Variants in DYNLL1 observed in about 807,000 individuals in gnomAD.
The protein encoded by DYNLL1 is dynein light chain LC8-type 1.
A neutral mutation model predicts 10.1 loss-of-function variants in DYNLL1; 3 were observed. The observed-to-expected ratio is 0.30, with a 90% confidence interval of 0.14 to 0.77. The LOEUF is 0.77. Ranked by LOEUF, DYNLL1 falls within the 30% of genes least tolerant of loss-of-function variation. The pLI is 0.66. For missense variants in DYNLL1, 47 were observed against 111.7 expected, an observed-to-expected ratio of 0.42 and a Z score of 2.61; for synonymous variants, 46 against 41.2, an observed-to-expected ratio of 1.12 and a Z score of -0.45.
At chr12:120,476,929 T>A (rs1226832982) in intron 1 of DYNLL1, among the ~76,000 whole-genome samples, 5 of 147,424 alleles carry the variant, frequency 3.4e-5, no homozygotes, top group Non-Finnish European at 4.5e-5. Context: ...TTTGTTTTGT[T>A]TTTTTTGTTT....
At chr12:120,496,633 T>A (rs1173430499) in intron 2 of DYNLL1, 80 bp downstream of exon 2, 1 of 1,611,256 alleles carries the variant, frequency 6.2e-7, no homozygotes, top group Non-Finnish European at 8.5e-7. Context: ...TAAGGGCGCC[T>A]GACAGGTCCC....
chr12:120,480,309 G>A (rs967174895), intron 1 of DYNLL1, among the ~76,000 whole-genome samples: 1 of 152,204 alleles, frequency 6.6e-6, no homozygotes, highest in Non-Finnish European at 1.5e-5. Flanking sequence ...ACATTCATAT[G>A]TGTGGATATG....
intron 1 of DYNLL1, among the ~76,000 whole-genome samples, chr12:120,479,462 A>ATAATAATAAT (rs1555221132): frequency 1.5e-5 from 2 of 133,174 alleles, no homozygotes; most frequent in African/African-American, 5.6e-5. Context: ...AAAAAAAAAA[A>ATAATAATAAT]AAAAAAAATA....
chr12:120,478,286 T>C (rs1019510077), intron 1 of DYNLL1, among the ~76,000 whole-genome samples: 3 of 151,548 alleles, frequency 2.0e-5, no homozygotes, highest in South Asian at 4.2e-4. Context: ...TTTGTATTTT[T>C]AGTAGAGACG....
chr12:120,492,477 G>T (rs1879156418), upstream of DYNLL1, among the ~76,000 whole-genome samples: 2 of 152,202 alleles, frequency 1.3e-5, no homozygotes, highest in Non-Finnish European at 2.9e-5. The surrounding 1 kb of genome is among the most constrained non-coding windows in gnomAD (Gnocchi z 4.1). Context: ...TGAGGCAGGA[G>T]AATCGCTTGA....
chr12:120,488,996 G>A (rs1249624799), intron 1 of DYNLL1, among the ~76,000 whole-genome samples: 4 of 152,192 alleles, frequency 2.6e-5, no homozygotes, highest in African/African-American at 9.7e-5. Flanking sequence ...CATGGCCAAA[G>A]CACTTAGGCA....
At chr12:120,473,088 AG>A (rs1434224583) in intron 1 of DYNLL1, among the ~76,000 whole-genome samples, 1 of 152,182 alleles carries the variant, frequency 6.6e-6, no homozygotes, top group African/African-American at 2.4e-5. Flanking sequence ...TTGTGTATAT[AG>A]GTTGCTATTC....
intron 1 of DYNLL1, among the ~76,000 whole-genome samples, chr12:120,485,747 A>C (rs953489867): frequency 1.3e-5 from 2 of 149,588 alleles, no homozygotes; most frequent in Non-Finnish European, 3.0e-5. Context: ...AGGGAGGGGC[A>C]GTCGGATCCC....
At chr12:120,474,946 C>T (rs1878723559) in intron 1 of DYNLL1, among the ~76,000 whole-genome samples, 1 of 152,046 alleles carries the variant, frequency 6.6e-6, no homozygotes, top group African/African-American at 2.4e-5. Flanking sequence ...TTCTGGAAAG[C>T]TACATAATAA....
At chr12:120,480,598 G>C (rs1357859077) in intron 1 of DYNLL1, among the ~76,000 whole-genome samples, 2 of 152,090 alleles carry the variant, frequency 1.3e-5, no homozygotes. Flanking sequence ...CTCTACCTCT[G>C]CCTCCCGAGT....
intron 1 of DYNLL1, among the ~76,000 whole-genome samples, chr12:120,472,401 G>T (rs1228115397): frequency 3.3e-5 from 5 of 152,194 alleles, no homozygotes; most frequent in African/African-American, 1.2e-4. Flanking sequence ...CTGTTCTCTA[G>T]ACAAGCAGGA....
chr12:120,491,750 A>G (rs1341903869), upstream of DYNLL1: 1 of 152,186 alleles, frequency 6.6e-6, no homozygotes, highest in African/African-American at 2.4e-5. Flanking sequence ...AAGTCTGATG[A>G]CCGGAGCTGA....
chr12:120,473,082 G>T (rs749852148), intron 1 of DYNLL1, among the ~76,000 whole-genome samples: 3 of 152,150 alleles, frequency 2.0e-5, no homozygotes, highest in Non-Finnish European at 4.4e-5. Flanking sequence ...CTTGAGTTGT[G>T]TATATAGGTT....
intron 2 of DYNLL1, 55 bp downstream of exon 2, chr12:120,496,608 C>T (rs755107812): frequency 9.3e-6 from 15 of 1,613,604 alleles, no homozygotes; most frequent in Admixed American, 1.7e-5. Flanking sequence ...TTCCTTCCCC[C>T]CGATCCTGCT....
At chr12:120,496,353 G>T in intron 1 of DYNLL1, 63 bp from the exon 2 acceptor site, 1 of 1,602,620 alleles carries the variant, frequency 6.2e-7, no homozygotes, top group Non-Finnish European at 8.5e-7. Context: ...GCCGGGGTGG[G>T]GGCAGTTAGT....
intron 1 of DYNLL1, among the ~76,000 whole-genome samples, chr12:120,484,740 C>CTTT (rs34764295): frequency 2.1e-5 from 3 of 141,458 alleles, no homozygotes; most frequent in Admixed American, 7.1e-5. Flanking sequence ...TATGCATGGA[C>CTTT]TTTTTTTTTT....
chr12:120,474,880 G>A (rs1249031940), intron 1 of DYNLL1, among the ~76,000 whole-genome samples: 1 of 152,196 alleles, frequency 6.6e-6, no homozygotes, highest in African/African-American at 2.4e-5. Context: ...CACCCTGGGA[G>A]CTTTCTCTGT....
intron 1 of DYNLL1, among the ~76,000 whole-genome samples, chr12:120,479,767 GT>G (rs1196452507): frequency 6.6e-6 from 1 of 152,202 alleles, no homozygotes; most frequent in Admixed American, 6.5e-5. Flanking sequence ...GTTCAGCACA[GT>G]TAGAGCATGG....
chr12:120,475,171 C>T (rs565040762), intron 1 of DYNLL1, among the ~76,000 whole-genome samples: 2 of 152,020 alleles, frequency 1.3e-5, no homozygotes, highest in Admixed American at 6.6e-5. Flanking sequence ...AAATCTTTAA[C>T]ATTATTTTTC....
Sources: gnomAD v4.1 joint callset for allele counts (sites outside exome capture counted in the v4.1 genomes callset) on GRCh38, gnomAD v4.1.1 for gene constraint, Gnocchi (gnomAD v3.1) non-coding constraint, MANE v1.5 for transcripts, NCBI Gene and HGNC (gene_info 2026-07-23, HGNC 2026-07-21) for gene names.